The following LNX1 variants were observed in gnomAD, a reference collection of about 807,000 sequenced individuals.
The protein encoded by LNX1 is ligand of numb-protein X 1.
A neutral mutation model predicts 68.4 loss-of-function variants in LNX1; 54 were observed. That is an observed-to-expected ratio of 0.79 (90% confidence interval 0.63 to 0.99). LNX1 has a LOEUF of 0.99. Among genes scored for constraint, LNX1 ranks in the 50% least tolerant of loss-of-function variants. LNX1 has a pLI of 0.00. For missense variants in LNX1, 906 were observed against 926.4 expected, an observed-to-expected ratio of 0.98 and a Z score of 0.29; for synonymous variants, 336 against 350.0, an observed-to-expected ratio of 0.96 and a Z score of 0.45.
At chr4:53,610,891 G>A (rs1011354646) in intron 2 of LNX1, among the ~76,000 whole-genome samples, 2 of 151,734 alleles carry the variant, frequency 1.3e-5, no homozygotes, top group African/African-American at 4.8e-5. Flanking sequence ...CTCTATACAT[G>A]TCTATAACAA....
chr4:53,518,241 T>A (rs1218663590), intron 2 of LNX1, among the ~76,000 whole-genome samples: 2 of 152,184 alleles, frequency 1.3e-5, no homozygotes, highest in African/African-American at 4.8e-5. Flanking sequence ...GCAAGCACAC[T>A]GACTTGGTTT....
At chr4:53,559,635 G>A (rs1560665898) in intron 2 of LNX1, among the ~76,000 whole-genome samples, 1 of 152,058 alleles carries the variant, frequency 6.6e-6, no homozygotes, top group Non-Finnish European at 1.5e-5. Context: ...ACGAGTATTA[G>A]CTTAATGTTA....
intron 2 of LNX1, among the ~76,000 whole-genome samples, chr4:53,613,770 T>C (rs4864803): frequency 0.38 from 57,933 of 152,114 alleles, 11,467 homozygotes; most frequent in Admixed American, 0.44. Flanking sequence ...ACTGAATATA[T>C]GGGTGTATGT....
chr4:53,501,095 T>C (rs1464273047), intron 4 of LNX1, among the ~76,000 whole-genome samples: 4 of 152,140 alleles, frequency 2.6e-5, no homozygotes, highest in Non-Finnish European at 5.9e-5. Context: ...AAGGAATTTT[T>C]AAACTGCCAA....
At chr4:53,594,859 G>A (rs1435472572), upstream of LNX1, among the ~76,000 whole-genome samples, 2 of 151,884 alleles carry the variant, frequency 1.3e-5, no homozygotes, top group Non-Finnish European at 1.5e-5. Flanking sequence ...CCACAGGCAC[G>A]TGCCACCATG....
At chr4:53,554,787 G>A (rs1729775475) in intron 2 of LNX1, among the ~76,000 whole-genome samples, 1 of 151,730 alleles carries the variant, frequency 6.6e-6, no homozygotes, top group Non-Finnish European at 1.5e-5. Flanking sequence ...GGGAGGCGGA[G>A]GTTGCAGCTA....
chr4:53,617,354 A>G (rs1210760267), exon 1 of LNX1: 2 of 152,212 alleles, frequency 1.3e-5, no homozygotes, highest in African/African-American at 4.8e-5. Context: ...AGATGGTTCA[A>G]TAGGCCAGAC....
chr4:53,652,059 G>GAGAGAGAGAGAC (rs1560708642), intron 1 of LNX1: 4 of 148,812 alleles, frequency 2.7e-5, no homozygotes, highest in African/African-American at 1.0e-4. Context: ...GAGAGAGAGA[G>GAGAGAGAGAGAC]AGACAGAGAA....
chr4:53,648,063 A>G (rs574071790), intron 1 of LNX1, among the ~76,000 whole-genome samples: 3 of 152,376 alleles, frequency 2.0e-5, no homozygotes, highest in South Asian at 4.1e-4. Context: ...TGCCATAAAT[A>G]TGGGAGTACA....
At chr4:53,572,437 A>G (rs995264262) in intron 2 of LNX1, among the ~76,000 whole-genome samples, 1 of 152,176 alleles carries the variant, frequency 6.6e-6, no homozygotes, top group Admixed American at 6.5e-5. Flanking sequence ...TGTGCTAAGC[A>G]TTACACCCAG....
At chr4:53,592,307 G>C (rs554148748), upstream of LNX1, among the ~76,000 whole-genome samples, 1 of 152,244 alleles carries the variant, frequency 6.6e-6, no homozygotes, top group South Asian at 2.1e-4. Flanking sequence ...AGTTATTTCT[G>C]TCCCAAGCGT....
At position 53,491,976 on chromosome 4, in the gene LNX1, A is replaced by C. The variant is rs193160893; in HGVS notation, c.1350+4047T>G. 5.2e-3 allele frequency among the ~76,000 whole-genome samples: 790 copies of C among 152,030 alleles called. 1 individual carries two copies. Among genetic ancestry groups the C allele is most frequent in the Non-Finnish European group, 7.7e-3 (524 of 67,928 alleles). Reference sequence around the variant, plus strand: ...CTAATTTTGTATTTTTAGTAGAGATAGGATTTCACCCTGTTGACCAGGCTG... The same window carrying C: ...CTAATTTTGTATTTTTAGTAGAGATCGGATTTCACCCTGTTGACCAGGCTG... On this transcript the variant is annotated intron_variant, in intron 6 of 10. Coordinates refer to ENST00000263925, the MANE Select transcript of LNX1 (RefSeq NM_001126328.3).
At position 53,558,015 on chromosome 4, in the gene LNX1, AG is replaced by A. The variant is rs778709883; in HGVS notation, c.380+15607del. ...CCCTGGCCACCTTCTGTCAGCTACA[AG>A]GGCCCAAACCAGCCAAGCTCCTTTA... is the stretch of plus-strand genomic sequence containing the variant. On this transcript the variant is annotated intron_variant, in intron 2 of 10. Coordinates refer to ENST00000263925, the MANE Select transcript of LNX1 (RefSeq NM_001126328.3). 13 of 1,609,718 alleles carry A rather than the reference AG, an allele frequency of 8.1e-6. No individual in the cohort carries two copies. The African/African-American group carries it at 1.5e-4, about 18-fold the overall frequency.
At chr4:53,562,726 T>C (rs185697990) in intron 2 of LNX1, among the ~76,000 whole-genome samples, 2 of 152,294 alleles carry the variant, frequency 1.3e-5, no homozygotes, top group East Asian at 3.9e-4. Flanking sequence ...GTGATTATAG[T>C]TAATAACAAT....
At chr4:53,600,743 A>G (rs1732966021) in intron 2 of LNX1, among the ~76,000 whole-genome samples, 1 of 148,040 alleles carries the variant, frequency 6.8e-6, no homozygotes, top group African/African-American at 2.6e-5. Context: ...TATTTTTTCA[A>G]TTTTTGAGAC....
chr4:53,461,034 TCAC>T lies in LNX1; in HGVS notation c.2057_2059del (p.Gly686del), dbSNP rs1721974423. On this transcript the variant is annotated inframe_deletion, in exon 11 of 11. Transcript: ENST00000263925. ...TCTACCATTGACAGCAAGAAGAATA[TCAC>T]CACATCTAAAAAAAAAAACAAAACA... The T allele has an allele frequency of 2.6e-6, 4 of 1,563,014 alleles. No individual in the cohort carries two copies. Among genetic ancestry groups the T allele is most frequent in the East Asian group, 2.3e-5 (1 of 44,060 alleles).
At chr4:53,502,499 CTTG>C (rs1442194452) in intron 4 of LNX1, among the ~76,000 whole-genome samples, 2 of 152,212 alleles carry the variant, frequency 1.3e-5, no homozygotes, top group Non-Finnish European at 2.9e-5. Context: ...GAGGCTTCAG[CTTG>C]TTGTAATCTT....
chr4:53,611,829 T>C (rs1480920305), intron 2 of LNX1, among the ~76,000 whole-genome samples: 9 of 152,126 alleles, frequency 5.9e-5, no homozygotes, highest in Admixed American at 3.9e-4. Context: ...TGTTATATAA[T>C]GGGGGTAGGA....
At chr4:53,609,858 TTAGA>T (rs759377481) in intron 2 of LNX1, among the ~76,000 whole-genome samples, 3 of 148,162 alleles carry the variant, frequency 2.0e-5, no homozygotes, top group Non-Finnish European at 4.5e-5. Context: ...ATCATGTAAT[TTAGA>T]TAGCATTATA....
Sources: allele counts gnomAD v4.1 joint callset (sites outside exome capture counted in the v4.1 genomes callset), GRCh38; gene constraint gnomAD v4.1.1; transcripts MANE v1.5; gene names NCBI Gene and HGNC (gene_info 2026-07-23, HGNC 2026-07-21).